CAP2: variants seen among roughly 807,000 people sequenced by gnomAD.
The protein encoded by CAP2 is adenylyl cyclase-associated protein 2.
Under a neutral mutation model 57.7 loss-of-function variants are expected in CAP2, and 24 were observed. The ratio of observed to expected loss-of-function variants is 0.42; its 90% CI spans 0.30 to 0.58. The LOEUF (loss-of-function observed/expected upper bound fraction) is 0.58. Ranked by LOEUF, CAP2 falls within the 20% of genes least tolerant of loss-of-function variation. The pLI, the probability that CAP2 is intolerant of heterozygous loss-of-function variation, is 0.22. For synonymous variants in CAP2, 194 were observed against 207.2 expected (o/e 0.94, Z 0.55); for missense variants, 501 against 590.3 (o/e 0.85, Z 1.57).
Position 17,487,579 on chromosome 6 carries a change from CCTG to C in CAP2, c.301-19588_301-19586del, listed in dbSNP as rs375680541. 3.9e-4 allele frequency among the ~76,000 whole-genome samples: 60 copies of C among 152,316 alleles called. No individual in the cohort carries two copies. The East Asian group carries it at 0.01, about 25-fold the overall frequency. On this transcript the variant is annotated intron_variant, in intron 4 of 12. Coordinates refer to ENST00000229922, the MANE Select transcript of CAP2 (RefSeq NM_006366.3). ...CCGCCTCCCGGGTTCAAGCGATTCT[CCTG>C]CCTCAGCTTCCTGAGTAGCTGGGAT... is the stretch of plus-strand genomic sequence containing the variant.
At chr6:17,548,023 T>G (rs1483887761) in intron 11 of CAP2, among the ~76,000 whole-genome samples, 2 of 151,886 alleles carry the variant, frequency 1.3e-5, no homozygotes, top group African/African-American at 2.4e-5. Flanking sequence ...GGGTATAATA[T>G]GAACATGCAA....
intron 4 of CAP2, among the ~76,000 whole-genome samples, chr6:17,505,939 G>C (rs1404219262): frequency 6.6e-6 from 1 of 152,074 alleles, no homozygotes; most frequent in East Asian, 1.9e-4. Flanking sequence ...CTGGCACCAG[G>C]CTGGAGTACA....
At chr6:17,402,108 A>G (rs1381175488) in intron 1 of CAP2, among the ~76,000 whole-genome samples, 1 of 152,320 alleles carries the variant, frequency 6.6e-6, no homozygotes, top group African/African-American at 2.4e-5. Flanking sequence ...CTTTGAGAAT[A>G]TAAAGGTCCA....
rs554388317 is a variant in CAP2, at chr6:17,540,580, C to T, written c.827-393C>T. 1.6e-4 allele frequency among the ~76,000 whole-genome samples: 24 copies of T among 152,096 alleles called. No individual in the cohort carries two copies. In the Middle Eastern group the frequency reaches 0.01, roughly 65 times the overall value. On this transcript the variant is annotated intron_variant, in intron 8 of 12. Coordinates refer to ENST00000229922, the MANE Select transcript of CAP2 (RefSeq NM_006366.3). ...CAGCGTGGCCAACATGGTGAAACCC[C>T]ATCTCTACTAAAAATACAAAAATTA... is the stretch of plus-strand genomic sequence containing the variant.
intron 7 of CAP2, among the ~76,000 whole-genome samples, chr6:17,519,111 A>C (rs1762333729): frequency 6.6e-6 from 1 of 152,092 alleles, no homozygotes; most frequent in Non-Finnish European, 1.5e-5. Context: ...TGGGGTTTTT[A>C]GTGACTGACA....
chr6:17,497,038 G>A (rs570619557), intron 4 of CAP2, among the ~76,000 whole-genome samples: 10 of 152,186 alleles, frequency 6.6e-5, no homozygotes, highest in Non-Finnish European at 8.8e-5. Flanking sequence ...ACCTATCAGC[G>A]TGGTATTTGG....
At chr6:17,506,462 G>C in intron 4 of CAP2, among the ~76,000 whole-genome samples, 1 of 152,030 alleles carries the variant, frequency 6.6e-6, no homozygotes, top group East Asian at 1.9e-4. Context: ...AGACCAACCT[G>C]GCCAACCCCA....
chr6:17,410,597 T>TCTCGCTCTGTCGC (rs1202738230), intron 1 of CAP2, among the ~76,000 whole-genome samples: 184 of 149,722 alleles, frequency 1.2e-3, no homozygotes, highest in African/African-American at 4.2e-3. Context: ...TGAGACGGAG[T>TCTCGCTCTGTCGC]CCAGAGCTGG....
intron 3 of CAP2, among the ~76,000 whole-genome samples, chr6:17,432,646 T>C (rs898080516): frequency 1.3e-5 from 2 of 152,192 alleles, no homozygotes; most frequent in Non-Finnish European, 2.9e-5. Context: ...GGCTTAGCCA[T>C]TAATGATAGC....
intron 7 of CAP2, among the ~76,000 whole-genome samples, chr6:17,538,608 G>A (rs1762828209): frequency 6.6e-6 from 1 of 152,318 alleles, no homozygotes; most frequent in East Asian, 1.9e-4. Flanking sequence ...GGATCAGGAA[G>A]AATCTAATTT....
chr6:17,521,631 G>A (rs552506813), intron 7 of CAP2, among the ~76,000 whole-genome samples: 4 of 152,248 alleles, frequency 2.6e-5, no homozygotes, highest in Admixed American at 6.5e-5. Context: ...TCCTGTCCAC[G>A]GAAACGCGCA....
intron 5 of CAP2, 115 bp downstream of exon 5, chr6:17,507,427 C>A: frequency 9.2e-7 from 1 of 1,085,760 alleles, no homozygotes; most frequent in Non-Finnish European, 1.4e-6. Flanking sequence ...TCTTCCTGGG[C>A]TGAATGCATC....
At chr6:17,491,629 G>A (rs1014134256) in intron 4 of CAP2, among the ~76,000 whole-genome samples, 3 of 152,132 alleles carry the variant, frequency 2.0e-5, no homozygotes, top group South Asian at 2.1e-4. Flanking sequence ...TTCCTGTTCC[G>A]AAGCCAATGC....
intron 3 of CAP2, among the ~76,000 whole-genome samples, chr6:17,450,109 T>C (rs987896460): frequency 6.6e-6 from 1 of 151,884 alleles, no homozygotes; most frequent in Non-Finnish European, 1.5e-5. Context: ...TGGAGTGCAG[T>C]GGCACGATCT....
intron 4 of CAP2, among the ~76,000 whole-genome samples, chr6:17,489,202 G>C (rs1434649976): frequency 6.6e-6 from 1 of 152,212 alleles, no homozygotes; most frequent in African/African-American, 2.4e-5. Flanking sequence ...GGGAGGCTAA[G>C]GCGGGCACAT....
chr6:17,396,923 T>G (rs1187546659), intron 1 of CAP2, among the ~76,000 whole-genome samples: 1 of 152,206 alleles, frequency 6.6e-6, no homozygotes, highest in Non-Finnish European at 1.5e-5. Flanking sequence ...CTGTGCCTGC[T>G]CTCATGTCCC....
chr6:17,444,510 T>C (rs113290926), intron 3 of CAP2, among the ~76,000 whole-genome samples: 5,690 of 151,688 alleles, frequency 0.038, 128 homozygotes, highest in Non-Finnish European at 0.044. Flanking sequence ...GGTGGCATGC[T>C]AGGACCTGTA....
At chr6:17,511,559 C>G (rs1469163469) in intron 6 of CAP2, among the ~76,000 whole-genome samples, 2 of 152,154 alleles carry the variant, frequency 1.3e-5, no homozygotes, top group African/African-American at 4.8e-5. Flanking sequence ...TCAAGCAGTT[C>G]TCCTGCCTCA....
At chr6:17,549,351 T>C (rs530571170) in intron 11 of CAP2, among the ~76,000 whole-genome samples, 9 of 151,916 alleles carry the variant, frequency 5.9e-5, no homozygotes, top group Non-Finnish European at 1.3e-4. Context: ...TAATTCCAGA[T>C]ACTCAGGAGG....
Sources: gnomAD v4.1 joint callset for allele counts (sites outside exome capture counted in the v4.1 genomes callset) on GRCh38, gnomAD v4.1.1 for gene constraint, MANE v1.5 for transcripts, NCBI Gene and HGNC (gene_info 2026-07-23, HGNC 2026-07-21) for gene names.